The following SLAMF6 variants were observed in gnomAD, a reference collection of about 807,000 sequenced individuals.
SLAMF6 encodes the protein NK-T-B-antigen.
Under a neutral mutation model 38.3 loss-of-function variants are expected in SLAMF6, and 21 were observed. The observed-to-expected ratio is 0.55, with a 90% confidence interval of 0.39 to 0.79. The LOEUF (loss-of-function observed/expected upper bound fraction) is 0.79, where lower values mean the gene tolerates loss of function less well. Ranked by LOEUF, SLAMF6 falls within the 30% of genes least tolerant of loss-of-function variation. The pLI, the probability that SLAMF6 is intolerant of heterozygous loss-of-function variation, is 0.00. For missense variants in SLAMF6, 341 were observed against 385.3 expected, an observed-to-expected ratio of 0.89 and a Z score of 0.96; for synonymous variants, 152 against 146.3, an observed-to-expected ratio of 1.04 and a Z score of -0.28.
At chr1:160,510,403 G>A (rs1654412171) in intron 1 of SLAMF6, among the ~76,000 whole-genome samples, 1 of 151,986 alleles carries the variant, frequency 6.6e-6, no homozygotes, top group Non-Finnish European at 1.5e-5. Flanking sequence ...TGACCAAGTA[G>A]AATTTATCTC....
intron 1 of SLAMF6, among the ~76,000 whole-genome samples, chr1:160,508,128 T>C (rs1013735520): frequency 5.3e-5 from 8 of 152,152 alleles, no homozygotes; most frequent in Non-Finnish European, 1.0e-4. Flanking sequence ...AAGCTACCAA[T>C]GACTTTCTTC....
chr1:160,521,500 C>T (rs149831171), intron 1 of SLAMF6, among the ~76,000 whole-genome samples: 1 of 152,210 alleles, frequency 6.6e-6, no homozygotes, highest in African/African-American at 2.4e-5. Context: ...AAAAATGAAG[C>T]AAAAACTCAA....
chr1:160,499,943 C>G (rs1382784172), intron 1 of SLAMF6, among the ~76,000 whole-genome samples: 1 of 152,188 alleles, frequency 6.6e-6, no homozygotes, highest in East Asian at 1.9e-4. Context: ...GTGAATACCA[C>G]AAGCAACATT....
rs193249303 is a variant in SLAMF6, at chr1:160,513,067, G to A, written c.49+10077C>T. Among the ~76,000 whole-genome samples, 9 of 152,232 alleles carry A rather than the reference G, an allele frequency of 5.9e-5. No individual in the cohort carries two copies. In the East Asian group the frequency reaches 1.4e-3, roughly 23 times the overall value. ...AAGGTGGGTAATAATGAACTTTGCC[G>A]AGCTAAAGGAGTATGTTCTAACTCA... On this transcript the variant is annotated intron_variant, in intron 1 of 7. Transcript: ENST00000368057.
At chr1:160,488,695 A>G (rs1480096718) in intron 6 of SLAMF6, among the ~76,000 whole-genome samples, 1 of 152,188 alleles carries the variant, frequency 6.6e-6, no homozygotes, top group Admixed American at 6.5e-5. Context: ...GCCACCTGCT[A>G]TGGAACTACG....
At chr1:160,490,799 A>G (rs192571206) in intron 3 of SLAMF6, 114 bp from the exon 4 acceptor site, 18 of 1,468,592 alleles carry the variant, frequency 1.2e-5, no homozygotes, top group Non-Finnish European at 1.4e-5. Context: ...AAGTTTGTCT[A>G]TAGCCGGAGG....
intron 1 of SLAMF6, among the ~76,000 whole-genome samples, chr1:160,514,488 C>T (rs139165950): frequency 4.9e-4 from 74 of 152,286 alleles, no homozygotes; most frequent in African/African-American, 1.7e-3. Context: ...TTGAACTCAG[C>T]TCTAGATCAA....
At chr1:160,490,895 C>G (rs907959839) in intron 3 of SLAMF6, among the ~76,000 whole-genome samples, 1 of 151,890 alleles carries the variant, frequency 6.6e-6, no homozygotes, top group African/African-American at 2.4e-5. Flanking sequence ...CATTCCCAGG[C>G]CTTTGATTTT....
chr1:160,490,723 C>G, intron 3 of SLAMF6, 38 bp from the exon 4 acceptor site: 7 of 1,604,712 alleles, frequency 4.4e-6, no homozygotes, highest in Non-Finnish European at 6.0e-6. Flanking sequence ...TGAGACACAT[C>G]AAGTGAGGCC....
At position 160,494,965 on chromosome 1, in the gene SLAMF6, T is replaced by C. The variant is rs556658834; in HGVS notation, c.382+1096A>G. On this transcript the variant is annotated intron_variant, in intron 2 of 7. Transcript: ENST00000368057. ...ATTTTTCCTTTTTAGTTAGAATCGC[T>C]TGTATAGAAGTTTTCCAGACATCAC... is the stretch of plus-strand genomic sequence containing the variant. Among the ~76,000 whole-genome samples the C allele has an allele frequency of 1.9e-4, 29 of 152,310 alleles. No homozygotes were observed. In the South Asian group the frequency reaches 5.0e-3, roughly 26 times the overall value.
intron 1 of SLAMF6, among the ~76,000 whole-genome samples, chr1:160,508,998 G>A (rs1049822328): frequency 2.6e-5 from 4 of 152,122 alleles, no homozygotes; most frequent in African/African-American, 9.7e-5. Context: ...AAAAAGTCAG[G>A]AAACAACAGA....
chr1:160,499,648 G>A (rs1202616062), intron 1 of SLAMF6, among the ~76,000 whole-genome samples: 2 of 152,208 alleles, frequency 1.3e-5, no homozygotes, highest in Non-Finnish European at 2.9e-5. Flanking sequence ...ATTGCTTTGT[G>A]TGGTATGGCC....
At chr1:160,491,783 T>G (rs1653319000) in intron 2 of SLAMF6, among the ~76,000 whole-genome samples, 1 of 152,130 alleles carries the variant, frequency 6.6e-6, no homozygotes, top group Non-Finnish European at 1.5e-5. Context: ...GGCAACTCAG[T>G]GATGTGAGAA....
At chr1:160,487,289 G>C (rs1183226524) in intron 6 of SLAMF6, 114 bp from the exon 7 acceptor site, 22 of 932,758 alleles carry the variant, frequency 2.4e-5, no homozygotes, top group Non-Finnish European at 3.4e-5. Context: ...AGTTCTTCCA[G>C]AGGAAGGCTG....
At chr1:160,499,214 T>C (rs1389810147) in intron 1 of SLAMF6, among the ~76,000 whole-genome samples, 1 of 152,214 alleles carries the variant, frequency 6.6e-6, no homozygotes, top group Non-Finnish European at 1.5e-5. Flanking sequence ...AAATATTTGA[T>C]CCATCTTGAG....
chr1:160,490,202 G>A lies in SLAMF6; in HGVS notation c.792C>T (p.Gly264=), dbSNP rs763525897. The A allele has an allele frequency of 8.1e-6, 13 of 1,613,644 alleles. No individual in the cohort carries two copies. The highest frequency in any genetic ancestry group is 1.1e-5 in the Non-Finnish European group (13 of 1,179,774). ...SLSLSTQRTQ[G]PAESARNLEY... ...GTTAAGAGTCTGAATGCTCACCGGG[G>A]CCCTGTGTTCGCTGAGTAGACAAAG... is the stretch of plus-strand genomic sequence containing the variant. Residue 264 remains glycine, a synonymous_variant, in exon 5 of 8, where the codon GGC becomes GGT. Coordinates refer to ENST00000368057, the MANE Select transcript of SLAMF6 (RefSeq NM_001184714.2).
chr1:160,489,151 T>C lies in SLAMF6; in HGVS notation c.816A>G (p.Leu272=), dbSNP rs141641422. The stretch of plus-strand genomic sequence containing the variant: ...TCGTTGGAGACACTGAAACATACTC[T>C]AGGTTCCTTGCGGACTCTGCTGTTA... ...TQGPAESARN[L]EYVSVSPTNN... The change falls in exon 6 of 8, where the codon CTA becomes CTG. Residue 272 remains leucine, a synonymous_variant. Transcript: ENST00000368057. 5.5e-5 allele frequency: 88 copies of C among 1,613,798 alleles called. No individual in the cohort carries two copies. The African/African-American group carries it at 1.1e-3, about 20-fold the overall frequency.
intron 5 of SLAMF6, among the ~76,000 whole-genome samples, chr1:160,489,465 C>T (rs572638948): frequency 1.3e-5 from 2 of 152,240 alleles, no homozygotes; most frequent in Admixed American, 1.3e-4. Context: ...GACCAAATAG[C>T]CCTGCCTATG....
Position 160,491,355 on chromosome 1 carries a change from CTG to C in SLAMF6, c.414_415del (p.His138GlnfsTer10). 6.2e-7 allele frequency: 1 copy of C among 1,613,834 alleles called. No individual in the cohort carries two copies. The highest frequency in any genetic ancestry group is 8.5e-7 in the Non-Finnish European group (1 of 1,179,932). On this transcript the variant is annotated frameshift_variant, in exon 3 of 8. Coordinates refer to ENST00000368057, the MANE Select transcript of SLAMF6 (RefSeq NM_001184714.2). LOFTEE classifies it high-confidence loss of function. ...ACAGGTCATATTCTGAAATAGCTGA[CTG>C]TGATTGGTAACTTGTATGTTCCTCA...
Sources: allele counts gnomAD v4.1 joint callset (sites outside exome capture counted in the v4.1 genomes callset), GRCh38; gene constraint gnomAD v4.1.1; transcripts MANE v1.5; gene names NCBI Gene and HGNC (gene_info 2026-07-23, HGNC 2026-07-21).